Variants in EFNB2 observed in about 807,000 individuals in gnomAD.
EFNB2 encodes the protein ephrin B2.
EFNB2 carries 5 observed loss-of-function variants against 32.1 expected under a neutral mutation model. The observed-to-expected ratio is 0.16, with a 90% confidence interval of 0.08 to 0.33. The LOEUF (loss-of-function observed/expected upper bound fraction) is 0.33. Among genes scored for constraint, EFNB2 ranks in the 10% least tolerant of loss-of-function variants. The pLI, the probability that EFNB2 is intolerant of heterozygous loss-of-function variation, is 1.00. For missense variants in EFNB2, 263 were observed against 422.6 expected (o/e 0.62, Z 3.31); for synonymous variants, 168 against 166.5 (o/e 1.01, Z -0.07).
At chr13:106,522,152 G>A (rs1365555626) in intron 1 of EFNB2, among the ~76,000 whole-genome samples, 2 of 152,150 alleles carry the variant, frequency 1.3e-5, no homozygotes, top group African/African-American at 4.8e-5. Context: ...AGGCTGGGAT[G>A]CTATGTACAG....
Position 106,493,128 on chromosome 13 carries a change from T to C in EFNB2, c.914A>G (p.Glu305Gly). 6.2e-7 allele frequency: 1 copy of C among 1,614,052 alleles called. No homozygotes were observed. Among genetic ancestry groups the C allele is most frequent in the South Asian group, 1.1e-5 (1 of 91,082 alleles). Residue 305 changes from glutamate (E) to glycine (G), a missense_variant, in exon 5 of 5, where the codon GAG becomes GGG. By Grantham distance (98) the Glu-to-Gly change is moderately conservative. Transcript: ENST00000646441. The surrounding 1 kb of genome is among the most constrained non-coding windows in gnomAD (Gnocchi z 6.1). ...TADSVFCPHY[E>G]KVSGDYGHPV... is the part of the protein sequence containing the mutation. Reference sequence around the variant, plus strand: ...GTGCCCGTAGTCCCCGCTGACCTTCTCGTAGTGAGGGCAGAAGACGCTGTC... The same window carrying C: ...GTGCCCGTAGTCCCCGCTGACCTTCCCGTAGTGAGGGCAGAAGACGCTGTC...
At chr13:106,503,507 G>A (rs556110136) in intron 2 of EFNB2, among the ~76,000 whole-genome samples, 25 of 152,246 alleles carry the variant, frequency 1.6e-4, no homozygotes, top group African/African-American at 5.3e-4. Context: ...CTGAGCCCTC[G>A]GCCCATCCTG....
chr13:106,511,821 G>C (rs764369005), intron 2 of EFNB2, among the ~76,000 whole-genome samples: 1 of 152,170 alleles, frequency 6.6e-6, no homozygotes, highest in Non-Finnish European at 1.5e-5. Context: ...GTAGGCGTGG[G>C]CTCCAAATGT....
intron 1 of EFNB2, chr13:106,520,968 A>ATCT (rs1454840005): frequency 6.6e-6 from 1 of 152,152 alleles, no homozygotes; most frequent in African/African-American, 2.4e-5. Flanking sequence ...GGGCACCACT[A>ATCT]TCTTCTCAGC....
intron 1 of EFNB2, among the ~76,000 whole-genome samples, chr13:106,533,486 T>C (rs969889081): frequency 2.6e-5 from 4 of 152,254 alleles, no homozygotes; most frequent in Non-Finnish European, 4.4e-5. Flanking sequence ...CTTCTCCGTA[T>C]GAGCGGTGTT....
At chr13:106,533,493 TG>T (rs1238505637) in intron 1 of EFNB2, among the ~76,000 whole-genome samples, 2 of 152,226 alleles carry the variant, frequency 1.3e-5, no homozygotes, top group Admixed American at 1.3e-4. Flanking sequence ...GTATGAGCGG[TG>T]TTGAAAGTGC....
At chr13:106,525,581 T>C (rs1879672933) in intron 1 of EFNB2, among the ~76,000 whole-genome samples, 1 of 152,186 alleles carries the variant, frequency 6.6e-6, no homozygotes, top group Admixed American at 6.5e-5. Context: ...ACTATTTTCT[T>C]TATTTCAGCT....
At chr13:106,505,037 C>T (rs1269011634) in intron 2 of EFNB2, among the ~76,000 whole-genome samples, 1 of 152,178 alleles carries the variant, frequency 6.6e-6, no homozygotes, top group African/African-American at 2.4e-5. Flanking sequence ...CAATGGCCTT[C>T]CTTTCCTAGT....
chr13:106,532,076 A>C (rs536628903), intron 1 of EFNB2, among the ~76,000 whole-genome samples: 1,371 of 39,006 alleles, frequency 0.035, 33 homozygotes, highest in African/African-American at 0.099. Context: ...ACAAAAAAAA[A>C]ACCAAAACTT....
intron 1 of EFNB2, among the ~76,000 whole-genome samples, chr13:106,530,185 G>T (rs1879826915): frequency 6.6e-6 from 1 of 152,106 alleles, no homozygotes; most frequent in African/African-American, 2.4e-5. Flanking sequence ...GTTTTTCCAA[G>T]CTGTTCGGAA....
At chr13:106,498,488 G>GT (rs1309131895) in intron 2 of EFNB2, among the ~76,000 whole-genome samples, 2 of 152,054 alleles carry the variant, frequency 1.3e-5, no homozygotes, top group Non-Finnish European at 2.9e-5. Context: ...AGCTCCCTAG[G>GT]TTTACCAAAA....
intron 2 of EFNB2, among the ~76,000 whole-genome samples, chr13:106,508,254 C>G (rs1200353880): frequency 4.6e-5 from 7 of 152,106 alleles, no homozygotes; most frequent in African/African-American, 1.4e-4. Flanking sequence ...CACAAGAAGG[C>G]TTTCCCAGTA....
rs766438398 is a variant in EFNB2, at chr13:106,493,000, G to A, written c.*40C>T. 2.6e-6 allele frequency: 4 copies of A among 1,564,940 alleles called. No homozygotes were observed. The highest frequency in any genetic ancestry group is 3.5e-6 in the Non-Finnish European group (4 of 1,154,424). ...CCTCAAGGGAGGCATCGGGACATTA[G>A]GTGTCCTCTGGGAAAGCACAGGTAC... On this transcript the variant is annotated 3_prime_UTR_variant, in exon 5 of 5. Transcript: ENST00000646441. This position sits in a 1 kb window ranked among gnomAD's most constrained non-coding sequence, Gnocchi z 5.1.
intron 3 of EFNB2, among the ~76,000 whole-genome samples, chr13:106,495,317 CT>C (rs1177151925): frequency 6.6e-6 from 1 of 152,180 alleles, no homozygotes; most frequent in Admixed American, 6.5e-5. Context: ...ATAATTATTT[CT>C]TTCTGCACAA....
At chr13:106,498,588 TAGG>T (rs1878669791) in intron 2 of EFNB2, among the ~76,000 whole-genome samples, 1 of 152,150 alleles carries the variant, frequency 6.6e-6, no homozygotes, top group Admixed American at 6.5e-5. Flanking sequence ...TATAAGACAG[TAGG>T]AGGAAGGCTG....
Position 106,492,353 on chromosome 13 carries a change from C to G in EFNB2, c.*687G>C, listed in dbSNP as rs1311355531. The G allele has an allele frequency of 6.6e-6, 1 of 152,278 alleles. No homozygotes were observed. Among genetic ancestry groups the G allele is most frequent in the East Asian group, 1.9e-4 (1 of 5,194 alleles). 9.4% of individuals were successfully genotyped at this position (152,278 alleles called of 1,614,324 possible). A position where few individuals can be genotyped will look rare whatever the true frequency, so the allele number is the denominator to read the frequency against. ...AACTCCTAGCCTTCTTCGCAGACAG[C>G]CTAGCATCTGGCTAAAGGGCACCTT... On this transcript the variant is annotated 3_prime_UTR_variant, in exon 5 of 5. Coordinates refer to ENST00000646441, the MANE Select transcript of EFNB2 (RefSeq NM_004093.4). The surrounding 1 kb of genome is among the most constrained non-coding windows in gnomAD (Gnocchi z 5.1).
At chr13:106,510,597 G>A (rs141346828) in intron 2 of EFNB2, among the ~76,000 whole-genome samples, 3 of 151,148 alleles carry the variant, frequency 2.0e-5, no homozygotes, top group African/African-American at 4.9e-5. Context: ...CCCGTACCAC[G>A]ACCTTCTTTC....
At chr13:106,532,077 ACC>A (rs34104347) in intron 1 of EFNB2, among the ~76,000 whole-genome samples, 2,292 of 40,520 alleles carry the variant, frequency 0.057, 69 homozygotes, top group East Asian at 0.17. Context: ...CAAAAAAAAA[ACC>A]AAAACTTTAA....
chr13:106,514,648 T>C (rs1262636528), intron 1 of EFNB2, among the ~76,000 whole-genome samples: 3 of 152,226 alleles, frequency 2.0e-5, no homozygotes, highest in African/African-American at 4.8e-5. Context: ...CTTGACCTTT[T>C]TAGGACATCT....
Sources: allele counts gnomAD v4.1 joint callset (sites outside exome capture counted in the v4.1 genomes callset), GRCh38; gene constraint gnomAD v4.1.1; non-coding constraint Gnocchi (gnomAD v3.1); transcripts MANE v1.5; gene names NCBI Gene and HGNC (gene_info 2026-07-23, HGNC 2026-07-21).